GPLD1: variants seen among roughly 807,000 people sequenced by gnomAD.
GPLD1 encodes phosphatidylinositol-glycan-specific phospholipase D.
Under a neutral mutation model 112.6 loss-of-function variants are expected in GPLD1, and 84 were observed. That is an observed-to-expected ratio of 0.75 (90% CI 0.63 to 0.89). The LOEUF (loss-of-function observed/expected upper bound fraction) is 0.89, where lower values mean the gene tolerates loss of function less well. Ranked by LOEUF, GPLD1 falls within the 40% of genes least tolerant of loss-of-function variation. GPLD1 has a pLI of 0.00. For missense variants in GPLD1, 1,044 were observed against 1,051.5 expected (o/e 0.99, Z 0.10); for synonymous variants, 386 against 403.8 (o/e 0.96, Z 0.53).
At chr6:24,482,438 GC>G (rs59494060) in intron 2 of GPLD1, among the ~76,000 whole-genome samples, 27,026 of 151,886 alleles carry the variant, frequency 0.18, 2,791 homozygotes, top group African/African-American at 0.28. Flanking sequence ...CGGTCACCAC[GC>G]CCAGCTAATT....
upstream of GPLD1, chr6:24,489,589 G>A: frequency 6.3e-7 from 1 of 1,597,506 alleles, no homozygotes; most frequent in Non-Finnish European, 8.5e-7. Flanking sequence ...CAAAATCCAG[G>A]TGCAGACCCA....
chr6:24,467,122 G>C, intron 8 of GPLD1, 45 bp downstream of exon 8: 1 of 1,226,000 alleles, frequency 8.2e-7, no homozygotes, highest in Non-Finnish European at 1.2e-6. Context: ...TGCAAAGGAA[G>C]TCACAACAAA....
At chr6:24,438,161 C>T (rs1762638784) in intron 20 of GPLD1, among the ~76,000 whole-genome samples, 1 of 152,252 alleles carries the variant, frequency 6.6e-6, no homozygotes, top group South Asian at 2.1e-4. Flanking sequence ...TCTGTGTCTC[C>T]TGCATCAGGC....
exon 1 of GPLD1, chr6:24,495,133 G>GC: frequency 7.1e-7 from 1 of 1,403,040 alleles, no homozygotes; most frequent in African/African-American, 1.5e-5. Flanking sequence ...CAGCTCCGCT[G>GC]CTACGCTGGG....
intron 7 of GPLD1, among the ~76,000 whole-genome samples, chr6:24,471,712 G>C (rs1275592937): frequency 6.6e-6 from 1 of 152,124 alleles, no homozygotes; most frequent in Admixed American, 6.6e-5. Context: ...CCTCAAGGTA[G>C]AAAGGTTTTC....
Position 24,446,949 on chromosome 6 carries a change from G to GT in GPLD1, c.1708dup (p.Thr570AsnfsTer48). On this transcript the variant is annotated frameshift_variant, in exon 18 of 25. Coordinates refer to ENST00000230036, the MANE Select transcript of GPLD1 (RefSeq NM_001503.4). LOFTEE classifies it high-confidence loss of function. Reference sequence around the variant, plus strand: ...GGAGAAGTCTTCCTCGCCTCTCACCGTCCAGTTGGCTGCCTCCACGTTCAG... The same window carrying GT: ...GGAGAAGTCTTCCTCGCCTCTCACCGTTCCAGTTGGCTGCCTCCACGTTCAG... The GT allele has an allele frequency of 1.2e-6, 2 of 1,613,246 alleles. No homozygotes were observed. The highest frequency in any genetic ancestry group is 1.7e-6 in the Non-Finnish European group (2 of 1,179,552).
chr6:24,472,111 C>A (rs1026056077), intron 7 of GPLD1, among the ~76,000 whole-genome samples: 4 of 152,102 alleles, frequency 2.6e-5, no homozygotes, highest in African/African-American at 9.7e-5. Flanking sequence ...GGATAAACAA[C>A]CCAACAGAAA....
chr6:24,483,994 C>T (rs1335410927), intron 2 of GPLD1, among the ~76,000 whole-genome samples: 1 of 152,184 alleles, frequency 6.6e-6, no homozygotes, highest in East Asian at 1.9e-4. Flanking sequence ...CCGCTCCCTG[C>T]AAGCTCCGCC....
chr6:24,434,612 C>T (rs1008377222), intron 22 of GPLD1, among the ~76,000 whole-genome samples: 15 of 151,820 alleles, frequency 9.9e-5, no homozygotes, highest in Non-Finnish European at 1.6e-4. Flanking sequence ...GGGTCTTGGG[C>T]GGATCACGAG....
In GPLD1 at chr6:24,480,318, T is replaced by G. The variant is rs183930041; in HGVS notation, c.154-359A>C. Among the ~76,000 whole-genome samples, 18 of 151,638 alleles carry G rather than the reference T, an allele frequency of 1.2e-4. No individual in the cohort carries two copies. The East Asian group carries it at 3.3e-3, about 28-fold the overall frequency. ...TTTACTGACCCAGAGCTGTTGTTTT[T>G]GTTGCTGTTGTTGTTTGTTTGTGTT... On this transcript the variant is annotated intron_variant, in intron 2 of 24. Coordinates refer to ENST00000230036, the MANE Select transcript of GPLD1 (RefSeq NM_001503.4).
intron 11 of GPLD1, among the ~76,000 whole-genome samples, chr6:24,460,739 A>ATTTTTTT (rs535822410): frequency 7.2e-6 from 1 of 139,498 alleles, no homozygotes; most frequent in Non-Finnish European, 1.5e-5. Context: ...AAGCATACTG[A>ATTTTTTT]TTTTTTTTTT....
At chr6:24,433,722 T>TCACCTCAGGTGATCCACC (rs1291313391) in intron 22 of GPLD1, among the ~76,000 whole-genome samples, 1 of 151,932 alleles carries the variant, frequency 6.6e-6, no homozygotes, top group Non-Finnish European at 1.5e-5. Flanking sequence ...CTCGAACTCC[T>TCACCTCAGGTGATCCACC]CACCTCAGGT....
chr6:24,452,036 G>A (rs1456451243), intron 14 of GPLD1, among the ~76,000 whole-genome samples: 1 of 144,116 alleles, frequency 6.9e-6, no homozygotes, highest in African/African-American at 2.5e-5. Context: ...TGAGGACACA[G>A]AGATGCTCAC....
intron 2 of GPLD1, among the ~76,000 whole-genome samples, chr6:24,485,016 T>G (rs1410424070): frequency 1.3e-5 from 2 of 152,230 alleles, no homozygotes; most frequent in Non-Finnish European, 2.9e-5. Flanking sequence ...AAATAGTGCA[T>G]ATGATCAGAA....
At chr6:24,474,479 C>T (rs1763942508) in intron 5 of GPLD1, among the ~76,000 whole-genome samples, 1 of 152,084 alleles carries the variant, frequency 6.6e-6, no homozygotes, top group African/African-American at 2.4e-5. Context: ...TAAATAGAAC[C>T]AAGTGGCAGG....
At chr6:24,481,339 C>T (rs895183864) in intron 2 of GPLD1, among the ~76,000 whole-genome samples, 6 of 142,014 alleles carry the variant, frequency 4.2e-5, no homozygotes, top group African/African-American at 9.2e-5. Flanking sequence ...GGCAATATCC[C>T]GCCCTTTTTT....
intron 3 of GPLD1, among the ~76,000 whole-genome samples, chr6:24,478,952 AGAGC>A (rs1354619777): frequency 1.3e-5 from 2 of 152,186 alleles, no homozygotes; most frequent in African/African-American, 2.4e-5. Flanking sequence ...TGATAATGAC[AGAGC>A]AGAAGCATTG....
chr6:24,445,477 C>T lies in GPLD1; in HGVS notation c.2020+69G>A, dbSNP rs545492664. On this transcript the variant is annotated intron_variant, in intron 20 of 24. Transcript: ENST00000230036. ...GTTCAGCTCCAGATCTCATCACTTT[C>T]CTCCAATACGACATGTACAAGCAGC... 3.7e-5 allele frequency: 36 copies of T among 975,434 alleles called. No individual in the cohort carries two copies. The East Asian group carries it at 7.9e-4, about 21-fold the overall frequency. The allele number at this position is 975,434 out of a possible 1,614,324, so 60.4% of individuals were successfully genotyped here.
chr6:24,441,146 T>TG (rs111437814), intron 20 of GPLD1, among the ~76,000 whole-genome samples: 1 of 139,590 alleles, frequency 7.2e-6, no homozygotes, highest in Non-Finnish European at 1.6e-5. Context: ...CTACTAAAAA[T>TG]AAAAAAAAAA....
Sources: gnomAD v4.1 joint callset for allele counts (sites outside exome capture counted in the v4.1 genomes callset) on GRCh38, gnomAD v4.1.1 for gene constraint, MANE v1.5 for transcripts, NCBI Gene and HGNC (gene_info 2026-07-23, HGNC 2026-07-21) for gene names.